The following ZFP64 variants were observed in gnomAD, a reference collection of about 807,000 sequenced individuals.
ZFP64 encodes the protein ZFP64 zinc finger protein.
ZFP64 carries 14 observed loss-of-function variants against 51.6 expected under a neutral mutation model. The observed-to-expected ratio is 0.27, with a 90% CI of 0.18 to 0.42. The LOEUF (loss-of-function observed/expected upper bound fraction) is 0.42, where lower values mean the gene tolerates loss of function less well. Ranked by LOEUF, ZFP64 falls within the 10% of genes least tolerant of loss-of-function variation. The pLI, the probability that ZFP64 is intolerant of heterozygous loss-of-function variation, is 1.00. For missense variants in ZFP64, 754 were observed against 906.8 expected, an observed-to-expected ratio of 0.83 and a Z score of 2.16; for synonymous variants, 375 against 361.4, an observed-to-expected ratio of 1.04 and a Z score of -0.43.
intron 5 of ZFP64, among the ~76,000 whole-genome samples, chr20:52,129,386 T>C (rs1382629650): frequency 6.6e-6 from 1 of 152,016 alleles, no homozygotes; most frequent in Non-Finnish European, 1.5e-5. Flanking sequence ...TCTTAACTCC[T>C]GAGCTCAGGC....
intron 6 of ZFP64, among the ~76,000 whole-genome samples, chr20:52,098,188 AAG>A (rs2079012232): frequency 6.6e-6 from 1 of 151,520 alleles, no homozygotes; most frequent in Non-Finnish European, 1.5e-5. Flanking sequence ...AAAAAAAAAA[AAG>A]AGTCCATATA....
In ZFP64 at chr20:52,152,339, T is replaced by A; in HGVS notation, c.1853A>T (p.Asn618Ile). Residue 618 changes from asparagine (N) to isoleucine (I), a missense_variant, in exon 6 of 6, where the codon AAC becomes ATC. Around this residue, in one of 3 missense-constraint regions of ZFP64, gnomAD observed 428 missense variants for 472.4 expected, o/e 0.91. Transcript: ENST00000216923. ...GITCTDFEGL[N>I]ALIQEGTAEV... ...TGCTGTCCCCTCCTGAATCAAGGCG[T>A]TTAGGCCTTCAAAGTCAGTGCAAGT... The A allele has an allele frequency of 6.2e-7, 1 of 1,614,146 alleles. No individual in the cohort carries two copies. Among genetic ancestry groups the A allele is most frequent in the Non-Finnish European group, 8.5e-7 (1 of 1,180,022 alleles).
At chr20:52,113,394 C>T (rs1202866124) in intron 5 of ZFP64, among the ~76,000 whole-genome samples, 3 of 147,622 alleles carry the variant, frequency 2.0e-5, no homozygotes, top group African/African-American at 7.5e-5. Flanking sequence ...ATTTATTGAT[C>T]ATTACCCTTG....
At chr20:52,089,469 G>A (rs6013387) in intron 7 of ZFP64, among the ~76,000 whole-genome samples, 73,408 of 152,004 alleles carry the variant, frequency 0.48, 18,031 homozygotes, top group African/African-American at 0.54. Flanking sequence ...GGCCAGGTGC[G>A]GTGGCTCACA....
intron 5 of ZFP64, among the ~76,000 whole-genome samples, chr20:52,109,985 C>A (rs2122808924): frequency 6.6e-6 from 1 of 152,028 alleles, no homozygotes; most frequent in East Asian, 1.9e-4. Flanking sequence ...TCATATATTG[C>A]CTTTGTCCTG....
chr20:52,088,055 A>G (rs1276240759), intron 8 of ZFP64, among the ~76,000 whole-genome samples: 1 of 152,180 alleles, frequency 6.6e-6, no homozygotes, highest in Non-Finnish European at 1.5e-5. Context: ...GCTACATTCC[A>G]AATTTAGCCA....
chr20:52,188,836 C>T (rs186185976), intron 1 of ZFP64, among the ~76,000 whole-genome samples: 187 of 151,874 alleles, frequency 1.2e-3, no homozygotes, highest in African/African-American at 4.4e-3. Flanking sequence ...ATTAGCCCGG[C>T]GTGGTGGCAC....
chr20:52,155,850 T>C (rs1228352273), intron 5 of ZFP64, among the ~76,000 whole-genome samples: 1 of 152,160 alleles, frequency 6.6e-6, no homozygotes, highest in Non-Finnish European at 1.5e-5. Context: ...CTCCTTGAGT[T>C]TGGGTTGCTA....
At chr20:52,089,695 C>T (rs889508577) in intron 7 of ZFP64, among the ~76,000 whole-genome samples, 9 of 148,584 alleles carry the variant, frequency 6.1e-5, no homozygotes, top group Non-Finnish European at 1.2e-4. Flanking sequence ...GAGCACAGAT[C>T]GTGCCACTGC....
chr20:52,172,221 TTGTGTG>T (rs537503128), intron 2 of ZFP64, among the ~76,000 whole-genome samples: 1 of 148,094 alleles, frequency 6.8e-6, no homozygotes, highest in Non-Finnish European at 1.5e-5. Flanking sequence ...GTGTGTGTGT[TTGTGTG>T]TGTGTGTGTG....
intron 5 of ZFP64, among the ~76,000 whole-genome samples, chr20:52,127,417 A>C (rs565946530): frequency 6.6e-6 from 1 of 152,196 alleles, no homozygotes; most frequent in East Asian, 1.9e-4. Flanking sequence ...GACCAGGTAA[A>C]GGTAATTGGA....
At position 52,174,090 on chromosome 20, in the gene ZFP64, T is replaced by A. The variant is rs371131034; in HGVS notation, c.287-8065A>T. Among the ~76,000 whole-genome samples, 30 of 152,334 alleles carry A rather than the reference T, an allele frequency of 2.0e-4. 1 individual carries two copies. The highest frequency in any genetic ancestry group is 1.1e-3 in the Admixed American group (17 of 15,300). On this transcript the variant is annotated intron_variant, in intron 2 of 5. Coordinates refer to ENST00000216923, the MANE Select transcript of ZFP64 (RefSeq NM_018197.3). ...AGACCCTTGTTTCTTTCCATTACTG[T>A]TCCCCCTGCACCCACCACAGAACCA... is the stretch of plus-strand genomic sequence containing the variant.
chr20:52,175,861 G>GCCCCCCCCC, intron 2 of ZFP64: 1 of 238,644 alleles, frequency 4.2e-6, no homozygotes. Context: ...CACCCCCGCT[G>GCCCCCCCCC]CCGCCCCCGC....
chr20:52,117,587 C>G lies in ZFP64; in HGVS notation c.764-19000G>C, dbSNP rs371031712. ...TGAGCTGAGATCGCGCCATTGCACT[C>G]TAGCCTGGGCGACAGAGCGAAACTC... On this transcript the variant is annotated intron_variant, in intron 5 of 8. Coordinates refer to the ZFP64 transcript ENST00000361387. 1.2e-3 allele frequency: 524 copies of G among 453,070 alleles called. 4 individuals are homozygous for G. Among genetic ancestry groups the G allele is most frequent in the South Asian group, 8.0e-3 (509 of 63,856 alleles). The allele number at this position is 453,070 out of a possible 1,614,324, so 28.1% of individuals were successfully genotyped here. A position where few individuals can be genotyped will look rare whatever the true frequency, so the allele number is the denominator to read the frequency against.
chr20:52,172,845 G>A (rs1982866944), intron 2 of ZFP64, among the ~76,000 whole-genome samples: 1 of 152,176 alleles, frequency 6.6e-6, no homozygotes, highest in Non-Finnish European at 1.5e-5. Context: ...CACACCTGCT[G>A]CAGCTTTCAG....
At chr20:52,123,774 C>T (rs1166079771) in intron 5 of ZFP64, among the ~76,000 whole-genome samples, 1 of 151,320 alleles carries the variant, frequency 6.6e-6, no homozygotes, top group Non-Finnish European at 1.5e-5. Context: ...ATGGGTTTTG[C>T]ATGAGTTGAC....
chr20:52,144,880 T>C (rs6021741), intron 5 of ZFP64, among the ~76,000 whole-genome samples: 55,240 of 151,894 alleles, frequency 0.36, 10,786 homozygotes, highest in Non-Finnish European at 0.42. Context: ...GTAAATGATG[T>C]TTTTTCTTTT....
At chr20:52,115,645 G>T (rs1436287332) in intron 5 of ZFP64, among the ~76,000 whole-genome samples, 1 of 151,936 alleles carries the variant, frequency 6.6e-6, no homozygotes, top group African/African-American at 2.4e-5. Context: ...GAATTTCTGG[G>T]CTCAAGTGAT....
At chr20:52,094,244 G>T (rs1005336483) in intron 7 of ZFP64, among the ~76,000 whole-genome samples, 2 of 152,182 alleles carry the variant, frequency 1.3e-5, no homozygotes, top group African/African-American at 4.8e-5. Context: ...CTAAGGATTG[G>T]AGCAGAGAGG....
Sources: gnomAD v4.1 joint callset for allele counts (sites outside exome capture counted in the v4.1 genomes callset) on GRCh38, gnomAD v4.1.1 for gene constraint, gnomAD v4.1.1 regional missense constraint, MANE v1.5 for transcripts, NCBI Gene and HGNC (gene_info 2026-07-23, HGNC 2026-07-21) for gene names.